The following TANGO6 variants were observed in gnomAD, a reference collection of about 807,000 sequenced individuals.
TANGO6 encodes transport and Golgi organization protein 6 homolog.
Under a neutral mutation model 114.2 loss-of-function variants are expected in TANGO6, and 90 were observed. That is an observed-to-expected ratio of 0.79 (90% CI 0.66 to 0.94). The LOEUF is 0.94. Ranked by LOEUF, TANGO6 falls within the 40% of genes least tolerant of loss-of-function variation. The probability of loss-of-function intolerance (pLI) is 0.00; values close to 1 mark genes in which losing one functional copy is unlikely to be tolerated. For missense variants in TANGO6, 1,274 were observed against 1,315.3 expected (o/e 0.97, Z 0.49); for synonymous variants, 477 against 509.8 (o/e 0.94, Z 0.87).
At chr16:69,027,910 A>G (rs1959531244) in intron 16 of TANGO6, among the ~76,000 whole-genome samples, 1 of 151,946 alleles carries the variant, frequency 6.6e-6, no homozygotes. Context: ...CCTCCCAGGT[A>G]GCTGGGATTA....
At chr16:69,074,319 A>T (rs1960340703) in intron 17 of TANGO6, among the ~76,000 whole-genome samples, 1 of 151,970 alleles carries the variant, frequency 6.6e-6, no homozygotes, top group African/African-American at 2.4e-5. Context: ...CCCGATCCAG[A>T]CCCCAAAAGA....
chr16:68,874,365 G>C (rs1364518397), intron 4 of TANGO6, among the ~76,000 whole-genome samples: 1 of 152,144 alleles, frequency 6.6e-6, no homozygotes, highest in Non-Finnish European at 1.5e-5. Context: ...CAGTTTGTTT[G>C]CTTCCGTTCT....
intron 15 of TANGO6, among the ~76,000 whole-genome samples, chr16:68,985,599 G>GCTA (rs958689022): frequency 1.3e-5 from 2 of 152,114 alleles, no homozygotes; most frequent in African/African-American, 4.8e-5. Flanking sequence ...TATGGTCCTA[G>GCTA]CTACTCAGGA....
intron 15 of TANGO6, among the ~76,000 whole-genome samples, chr16:68,997,790 C>T (rs1306302046): frequency 6.6e-6 from 1 of 152,170 alleles, no homozygotes; most frequent in East Asian, 1.9e-4. Flanking sequence ...GTTAGAACAC[C>T]TCTGACATAT....
intron 15 of TANGO6, among the ~76,000 whole-genome samples, chr16:69,007,351 C>T (rs1964102183): frequency 6.7e-6 from 1 of 149,980 alleles, no homozygotes; most frequent in African/African-American, 2.5e-5. Flanking sequence ...CTCACTGCAA[C>T]CTCTGCCTCC....
intron 3 of TANGO6, among the ~76,000 whole-genome samples, chr16:68,863,965 A>G (rs539221624): frequency 6.6e-6 from 1 of 152,196 alleles, no homozygotes; most frequent in South Asian, 2.1e-4. Flanking sequence ...ACCTCAGGCC[A>G]GGAGTTCGAG....
At chr16:68,872,032 C>T (rs2152165149) in intron 4 of TANGO6, among the ~76,000 whole-genome samples, 1 of 152,074 alleles carries the variant, frequency 6.6e-6, no homozygotes, top group African/African-American at 2.4e-5. Flanking sequence ...GAGTTTGAGA[C>T]CAGCCTGGCC....
In TANGO6 at chr16:69,084,312, TC is replaced by T. The variant is rs1960508496; in HGVS notation, c.*653del. 6.6e-6 allele frequency: 1 copy of T among 152,312 alleles called. No individual in the cohort carries two copies. The highest frequency in any genetic ancestry group is 2.1e-4 in the South Asian group (1 of 4,830). 9.4% of individuals were successfully genotyped at this position (152,312 alleles called of 1,614,324 possible). A position where few individuals can be genotyped will look rare whatever the true frequency, so the allele number is the denominator to read the frequency against. ...AAGGACAATCAAGCTGGTTGACTCT[TC>T]CAGAGAAGAAGGGTAAGCCCTGTAT... is the stretch of plus-strand genomic sequence containing the variant. On this transcript the variant is annotated 3_prime_UTR_variant, in exon 18 of 18. Coordinates refer to ENST00000261778, the MANE Select transcript of TANGO6 (RefSeq NM_024562.2).
intron 15 of TANGO6, among the ~76,000 whole-genome samples, chr16:68,990,575 G>A (rs953451477): frequency 1.3e-5 from 2 of 152,052 alleles, no homozygotes; most frequent in Non-Finnish European, 2.9e-5. Context: ...TGGCTAATTT[G>A]TTTGTATATT....
chr16:68,927,842 A>T lies in TANGO6; in HGVS notation c.2402A>T (p.His801Leu), dbSNP rs888841970. ...AGCCACCTTGAACAACAGCAGAGCC[A>T]TGAGACAGCCCCCCAGACAGGCCTG... is the stretch of plus-strand genomic sequence containing the variant. Reference protein sequence around the residue: ...AHSHLEQQQSHETAPQTGLQS... With the variant: ...AHSHLEQQQSLETAPQTGLQS... The change falls in exon 13 of 18, where the codon CAT becomes CTT. Residue 801 changes from histidine to leucine, a missense_variant. By Grantham distance (99) the His-to-Leu change is moderately conservative. This residue lies in a region of TANGO6 where 908 missense variants were observed against 910.2 expected (regional missense o/e 1.00). Coordinates refer to ENST00000261778, the MANE Select transcript of TANGO6 (RefSeq NM_024562.2). The T allele has an allele frequency of 3.7e-6, 6 of 1,614,038 alleles. 1 individual carries two copies. In the South Asian group the frequency reaches 6.6e-5, roughly 18 times the overall value.
intron 15 of TANGO6, among the ~76,000 whole-genome samples, chr16:69,012,419 G>A (rs1385273284): frequency 2.0e-5 from 3 of 151,962 alleles, no homozygotes; most frequent in Non-Finnish European, 2.9e-5. Context: ...AGCCAGGCAT[G>A]GTGGCGCATG....
At chr16:68,952,421 C>T (rs1963479923) in intron 14 of TANGO6, among the ~76,000 whole-genome samples, 1 of 152,152 alleles carries the variant, frequency 6.6e-6, no homozygotes, top group Non-Finnish European at 1.5e-5. Flanking sequence ...GAGCAAGCAG[C>T]CTATGTCACC....
At chr16:68,925,359 G>A (rs1313900121) in intron 12 of TANGO6, among the ~76,000 whole-genome samples, 1 of 152,132 alleles carries the variant, frequency 6.6e-6, no homozygotes, top group Non-Finnish European at 1.5e-5. Flanking sequence ...CATTGAGTAT[G>A]TCTTCCTATG....
At chr16:69,056,753 C>T (rs534035333) in intron 17 of TANGO6, among the ~76,000 whole-genome samples, 3 of 152,192 alleles carry the variant, frequency 2.0e-5, no homozygotes, top group Non-Finnish European at 2.9e-5. Flanking sequence ...AAGTTAATGC[C>T]AGGAAGAATT....
intron 17 of TANGO6, among the ~76,000 whole-genome samples, chr16:69,069,668 T>A (rs997879479): frequency 1.3e-5 from 2 of 152,168 alleles, no homozygotes; most frequent in Non-Finnish European, 2.9e-5. Flanking sequence ...GTGCCTCTTA[T>A]TTATTTCTCA....
chr16:68,977,040 G>T (rs981008015), intron 15 of TANGO6, among the ~76,000 whole-genome samples: 7 of 152,130 alleles, frequency 4.6e-5, no homozygotes, highest in Admixed American at 3.3e-4. Context: ...TCTTTATCTG[G>T]TAGGGGAAGA....
intron 17 of TANGO6, among the ~76,000 whole-genome samples, chr16:69,075,785 G>A (rs1394972050): frequency 2.2e-4 from 30 of 137,882 alleles, no homozygotes; most frequent in African/African-American, 6.3e-4. Context: ...TTTTTTTTGA[G>A]ACAGAGTCTC....
At chr16:68,911,267 T>C (rs747178071) in intron 11 of TANGO6, among the ~76,000 whole-genome samples, 16 of 151,962 alleles carry the variant, frequency 1.1e-4, no homozygotes, top group Non-Finnish European at 2.1e-4. Context: ...CCCTGTAATA[T>C]TGAATTTCAG....
intron 14 of TANGO6, among the ~76,000 whole-genome samples, chr16:68,943,361 G>T (rs1022350508): frequency 6.8e-6 from 1 of 146,288 alleles, no homozygotes; most frequent in African/African-American, 2.5e-5. Flanking sequence ...CTGAATCTGA[G>T]AATTTTTTTT....
Sources: gnomAD v4.1 joint callset for allele counts (sites outside exome capture counted in the v4.1 genomes callset) on GRCh38, gnomAD v4.1.1 for gene constraint, gnomAD v4.1.1 regional missense constraint, MANE v1.5 for transcripts, NCBI Gene and HGNC (gene_info 2026-07-23, HGNC 2026-07-21) for gene names.